The following NPC1 variants were observed in gnomAD, a reference collection of about 807,000 sequenced individuals.
NPC1 encodes Niemann-Pick C1 protein.
NPC1 carries 85 observed loss-of-function variants against 140.4 expected under a neutral mutation model. The observed-to-expected ratio is 0.61, with a 90% confidence interval of 0.51 to 0.72. NPC1 has a LOEUF of 0.72. Ranked by LOEUF, NPC1 falls within the 30% of genes least tolerant of loss-of-function variation. The pLI, the probability that NPC1 is intolerant of heterozygous loss-of-function variation, is 0.00. For missense variants in NPC1, 1,504 were observed against 1,623.8 expected, an observed-to-expected ratio of 0.93 and a Z score of 1.27; for synonymous variants, 656 against 624.8, an observed-to-expected ratio of 1.05 and a Z score of -0.74.
At chr18:23,554,072 C>T (rs1029141091) in intron 9 of NPC1, among the ~76,000 whole-genome samples, 1 of 152,180 alleles carries the variant, frequency 6.6e-6, no homozygotes, top group East Asian at 1.9e-4. Context: ...GGCAGCTGCA[C>T]TCCTCAATCA....
At chr18:23,506,610 T>C in exon 4 of NPC1, 7 of 242,180 alleles carry the variant, frequency 2.9e-5, no homozygotes, top group Non-Finnish European at 4.9e-5. Flanking sequence ...TGCTGTGAGA[T>C]GCACAAGTAG....
At chr18:23,565,736 CTT>C (rs546305744) in intron 4 of NPC1, among the ~76,000 whole-genome samples, 77 of 152,304 alleles carry the variant, frequency 5.1e-4, no homozygotes, top group African/African-American at 1.7e-3. Flanking sequence ...TTTATTTTCA[CTT>C]TGAGATTGTC....
chr18:23,580,951 A>T (rs953799247), intron 1 of NPC1, among the ~76,000 whole-genome samples: 1 of 152,244 alleles, frequency 6.6e-6, no homozygotes. Context: ...ACGTATCTAC[A>T]TAACAAAGGA....
chr18:23,539,984 A>G lies in NPC1; in HGVS notation c.2622T>C (p.Asp874=). The change falls in exon 18 of 25, where the codon GAT becomes GAC. Residue 874 remains aspartate (D), a synonymous_variant. Coordinates refer to ENST00000269228, the MANE Select transcript of NPC1 (RefSeq NM_000271.5). ...GGTACTGACTGATGGATTTGAAATA[A>G]TCCACCATGTAGGAGTCCTGAAAGA... is the stretch of plus-strand genomic sequence containing the variant. The part of the protein sequence containing the change: ...LSMPDDSYMV[D]YFKSISQYLH... The G allele has an allele frequency of 1.2e-6, 2 of 1,614,142 alleles. No individual in the cohort carries two copies. The highest frequency in any genetic ancestry group is 1.7e-6 in the Non-Finnish European group (2 of 1,179,962).
At chr18:23,555,097 T>TA in intron 8 of NPC1, 113 bp from the exon 9 acceptor site, 1 of 760,134 alleles carries the variant, frequency 1.3e-6, no homozygotes. Flanking sequence ...TTGGGGAAAA[T>TA]ACTTCCTAAG....
intron 9 of NPC1, among the ~76,000 whole-genome samples, chr18:23,552,635 GCAGA>G (rs2058890413): frequency 6.6e-6 from 1 of 152,258 alleles, no homozygotes; most frequent in African/African-American, 2.4e-5. Context: ...GCAGTGCAGT[GCAGA>G]CAGACAGTTG....
chr18:23,510,646 C>CA (rs1209479609), intron 3 of NPC1, among the ~76,000 whole-genome samples: 139 of 129,826 alleles, frequency 1.1e-3, no homozygotes, highest in Middle Eastern at 4.4e-3. Flanking sequence ...GACTCCGTCT[C>CA]AAAAAAAAAA....
At chr18:23,559,853 G>A (rs35547419) in intron 6 of NPC1, among the ~76,000 whole-genome samples, 22 of 152,112 alleles carry the variant, frequency 1.4e-4, no homozygotes, top group African/African-American at 4.6e-4. Flanking sequence ...AGCTACTCAG[G>A]AGGCTGATGC....
At chr18:23,526,790 T>A (rs1353979650), downstream of NPC1, 2 of 1,611,830 alleles carry the variant, frequency 1.2e-6, no homozygotes, top group East Asian at 4.5e-5. Flanking sequence ...TCCCCCTTGC[T>A]CTGATTCCAG....
At chr18:23,537,006 G>C (rs2058641244) in intron 20 of NPC1, 130 bp from the exon 21 acceptor site, 2 of 733,728 alleles carry the variant, frequency 2.7e-6, no homozygotes, top group Non-Finnish European at 2.4e-6. Flanking sequence ...ACATTTCAGG[G>C]ATGAAGAAGG....
intron 9 of NPC1, among the ~76,000 whole-genome samples, 192 bp from the exon 10 acceptor site, chr18:23,551,919 G>A (rs1246443731): frequency 6.6e-6 from 1 of 152,192 alleles, no homozygotes; most frequent in Non-Finnish European, 1.5e-5. Context: ...CAAGAGGCAG[G>A]CAAATACAGC....
intron 3 of NPC1, among the ~76,000 whole-genome samples, chr18:23,512,260 A>G (rs1255855281): frequency 6.6e-6 from 1 of 152,006 alleles, no homozygotes; most frequent in Non-Finnish European, 1.5e-5. Context: ...GCCTCAAATA[A>G]TCCACCTATC....
chr18:23,554,999 T>C lies in NPC1; in HGVS notation c.1327-15A>G, dbSNP rs549774967. 14 of 1,547,858 alleles carry C rather than the reference T, an allele frequency of 9.0e-6. No homozygotes were observed. In the South Asian group the frequency reaches 1.6e-4, roughly 17 times the overall value. On this transcript the variant is annotated splice_polypyrimidine_tract_variant and intron_variant, in intron 8 of 24. Transcript: ENST00000269228. ...AAGTCAAGAACCTGAAAGAAGATTT[T>C]AAAAATAAGCAAACCCAGAAACACG...
chr18:23,567,854 T>C (rs913173255), intron 4 of NPC1, among the ~76,000 whole-genome samples: 2 of 152,232 alleles, frequency 1.3e-5, no homozygotes, highest in Non-Finnish European at 2.9e-5. Flanking sequence ...ACAGTTGAAA[T>C]TGACCAACTT....
Position 23,540,065 on chromosome 18 carries a change from G to A in NPC1, c.2605-64C>T, listed in dbSNP as rs2058691538. 4.9e-6 allele frequency: 7 copies of A among 1,427,736 alleles called. No homozygotes were observed. The Admixed American group carries it at 1.0e-4, about 21-fold the overall frequency. The allele number at this position is 1,427,736 out of a possible 1,614,324, so 88.4% of individuals were successfully genotyped here. A position where few individuals can be genotyped will look rare whatever the true frequency, so the allele number is the denominator to read the frequency against. ...CTCTGATAGTAACTAAGCAAGGCGA[G>A]GATCATGGAGAATAAGAGGGTGCCA... On this transcript the variant is annotated intron_variant, in intron 17 of 24. Coordinates refer to ENST00000269228, the MANE Select transcript of NPC1 (RefSeq NM_000271.5).
At chr18:23,556,969 G>A (rs1221217005) in intron 7 of NPC1, 148 bp downstream of exon 7, 5 of 757,474 alleles carry the variant, frequency 6.6e-6, no homozygotes, top group Non-Finnish European at 1.2e-5. Flanking sequence ...GGGCCACAAA[G>A]GCAAGGACCA....
At chr18:23,532,352 C>T in intron 24 of NPC1, 68 bp from the exon 25 acceptor site, 1 of 1,567,064 alleles carries the variant, frequency 6.4e-7, no homozygotes, top group Non-Finnish European at 8.8e-7. Flanking sequence ...GGCATAGTGG[C>T]TCACGCCTGT....
chr18:23,575,215 C>T (rs2059257427), intron 1 of NPC1, among the ~76,000 whole-genome samples: 1 of 152,192 alleles, frequency 6.6e-6, no homozygotes, highest in Admixed American at 6.5e-5. Context: ...AGTCTAAAAT[C>T]CCCTTACTCA....
At chr18:23,510,564 T>A (rs1350051428) in intron 3 of NPC1, among the ~76,000 whole-genome samples, 1 of 152,080 alleles carries the variant, frequency 6.6e-6, no homozygotes, top group Non-Finnish European at 1.5e-5. Context: ...AGGGAATTGC[T>A]TGAACCTGGA....
Sources: gnomAD v4.1 joint callset for allele counts (sites outside exome capture counted in the v4.1 genomes callset) on GRCh38, gnomAD v4.1.1 for gene constraint, MANE v1.5 for transcripts, NCBI Gene and HGNC (gene_info 2026-07-23, HGNC 2026-07-21) for gene names.